KRT74: variants seen among roughly 807,000 people sequenced by gnomAD.
The protein encoded by KRT74 is keratin 74, also known as keratin, type II cytoskeletal 74.
KRT74 carries 43 observed loss-of-function variants against 42.7 expected under a neutral mutation model. The ratio of observed to expected loss-of-function variants is 1.01; its 90% CI spans 0.79 to 1.30. The LOEUF (loss-of-function observed/expected upper bound fraction) is 1.30. Among genes scored for constraint, KRT74 ranks in the 50% most tolerant of loss-of-function variants. The pLI is 0.00. For synonymous variants in KRT74, 302 were observed against 279.0 expected, an observed-to-expected ratio of 1.08 and a Z score of -0.82; for missense variants, 736 against 689.1, an observed-to-expected ratio of 1.07 and a Z score of -0.76.
rs1199338253 is a variant in KRT74 at position 52,571,462 on chromosome 12, G to A, written c.748-8C>T. ...GTAGGCTGCATCTGCATCCTGCCAA[G>A]AGGCCCCAGAGTCATTGGGGGATGC... is the stretch of plus-strand genomic sequence containing the variant. On this transcript the variant is annotated splice_region_variant and splice_polypyrimidine_tract_variant and intron_variant, in intron 3 of 8. Transcript: ENST00000305620. 2 of 1,608,760 alleles carry A rather than the reference G, an allele frequency of 1.2e-6. No homozygotes were observed. Among genetic ancestry groups the A allele is most frequent in the Non-Finnish European group, 1.7e-6 (2 of 1,175,194 alleles).
At position 52,571,339 on chromosome 12, in the gene KRT74, G is replaced by C; in HGVS notation, c.843+20C>G. ...CGGGAAGGAGGCAGGGTGAGGGTGGGGGGACAGGAGTGTCCTTACTGCATC... is the reference window on the plus strand; with the variant it reads ...CGGGAAGGAGGCAGGGTGAGGGTGGCGGGACAGGAGTGTCCTTACTGCATC... On this transcript the variant is annotated intron_variant, in intron 4 of 8. Coordinates refer to ENST00000305620, the MANE Select transcript of KRT74 (RefSeq NM_175053.4). 6.9e-7 allele frequency: 1 copy of C among 1,440,268 alleles called. No individual in the cohort carries two copies. The highest frequency in any genetic ancestry group is 1.1e-5 in the South Asian group (1 of 87,540). 89.2% of individuals were successfully genotyped at this position (1,440,268 alleles called of 1,614,324 possible). A position where few individuals can be genotyped will look rare whatever the true frequency, so the allele number is the denominator to read the frequency against.
At position 52,570,769 on chromosome 12, in the gene KRT74, C is replaced by G; in HGVS notation, c.908G>C (p.Arg303Pro). The change falls in exon 5 of 9, where the codon CGG becomes CCG. Residue 303 changes from arginine to proline, a missense_variant. Arg to Pro is a moderately radical substitution (Grantham distance 103). Coordinates refer to ENST00000305620, the MANE Select transcript of KRT74 (RefSeq NM_175053.4). Reference protein sequence around the residue: ...TSVILSMDNNRDLDLDSIIAE... With the variant: ...TSVILSMDNNPDLDLDSIIAE... Reference sequence around the variant, plus strand: ...GATGATGCTGTCAAGGTCCAGGTCCCGGTTGTTGTCCATGGACAGGATGAC... The same window carrying G: ...GATGATGCTGTCAAGGTCCAGGTCCGGGTTGTTGTCCATGGACAGGATGAC... The G allele has an allele frequency of 1.9e-6, 3 of 1,614,226 alleles. No homozygotes were observed. Among genetic ancestry groups the G allele is most frequent in the Non-Finnish European group, 2.5e-6 (3 of 1,180,030 alleles).
At chr12:52,571,261 T>A (rs1451333618) in intron 4 of KRT74, 98 bp downstream of exon 4, 3 of 847,444 alleles carry the variant, frequency 3.5e-6, no homozygotes, top group Non-Finnish European at 6.1e-6. Context: ...TACCAAAACA[T>A]CTTTCATTTT....
Position 52,570,714 on chromosome 12 carries a change from G to C in KRT74, c.963C>G (p.Ile321Met), listed in dbSNP as rs749351683. The C allele has an allele frequency of 3.7e-6, 6 of 1,614,110 alleles. No homozygotes were observed. The highest frequency in any genetic ancestry group is 2.7e-5 in the African/African-American group (2 of 74,942). The change falls in exon 5 of 9, where the codon ATC (isoleucine) becomes ATG (methionine). Residue 321 changes from isoleucine (I) to methionine (M), a missense_variant. Coordinates refer to ENST00000305620, the MANE Select transcript of KRT74 (RefSeq NM_175053.4). ...CGGCCTCGGCCTTGCTCTTCAGGGCGATCTCCTCATAATGCATGCGGACCT... is the reference window on the plus strand; with the variant it reads ...CGGCCTCGGCCTTGCTCTTCAGGGCCATCTCCTCATAATGCATGCGGACCT... ...IAEVRMHYEE[I>M]ALKSKAEAEA... is the part of the protein sequence containing the mutation.
chr12:52,571,971 T>C lies in KRT74; in HGVS notation c.720A>G (p.Ala240=). 1 of 1,596,828 alleles carries C rather than the reference T, an allele frequency of 6.3e-7. No individual in the cohort carries two copies. Among genetic ancestry groups the C allele is most frequent in the Non-Finnish European group, 8.6e-7 (1 of 1,164,510 alleles). Residue 240 remains alanine (A), a synonymous_variant, in exon 3 of 9, where the codon GCA becomes GCG. Coordinates refer to ENST00000305620, the MANE Select transcript of KRT74 (RefSeq NM_175053.4). ...TCTTAAGCACCACAAACTCATTCTC[T>C]GCTGTCGTGCGCCGGTTAATCTCCA... is the stretch of plus-strand genomic sequence containing the variant. The part of the protein sequence containing the change: ...YEVEINRRTT[A]ENEFVVLKKD...
At chr12:52,567,632 C>T in intron 8 of KRT74, 27 bp downstream of exon 8, 1 of 1,588,050 alleles carries the variant, frequency 6.3e-7, no homozygotes, top group East Asian at 2.2e-5. Context: ...GCTTTCCCAA[C>T]CCAAGGCATC....
chr12:52,571,547 T>G lies in KRT74; in HGVS notation c.748-93A>C, dbSNP rs1193348255. ...GCCTCAAAGCCACCTGATTTTCTAT[T>G]TTCTACCCACAAAGGAAAGCTCACT... On this transcript the variant is annotated intron_variant, in intron 3 of 8. Transcript: ENST00000305620. 4 of 896,354 alleles carry G rather than the reference T, an allele frequency of 4.5e-6. No individual in the cohort carries two copies. In the East Asian group the frequency reaches 7.2e-5, roughly 16 times the overall value. 55.5% of individuals were successfully genotyped at this position (896,354 alleles called of 1,614,324 possible). A position where few individuals can be genotyped will look rare whatever the true frequency, so the allele number is the denominator to read the frequency against.
rs747800464 is a variant in KRT74 at position 52,572,577 on chromosome 12, C to G, written c.562G>C (p.Glu188Gln). 4 of 1,614,166 alleles carry G rather than the reference C, an allele frequency of 2.5e-6. No individual in the cohort carries two copies. The South Asian group carries it at 4.4e-5, about 18-fold the overall frequency. ...LDLNNCKKNL[E>Q]PILEGYISNL... ...CTGATGTAGCCCTCAAGGATGGGCTCCAGGTTCTTCTTGCAGTTGTTCAGG... is the reference window on the plus strand; with the variant it reads ...CTGATGTAGCCCTCAAGGATGGGCTGCAGGTTCTTCTTGCAGTTGTTCAGG... Residue 188 changes from glutamate (E) to glutamine (Q), a missense_variant, in exon 2 of 9, where the codon GAG becomes CAG. Coordinates refer to ENST00000305620, the MANE Select transcript of KRT74 (RefSeq NM_175053.4).
At chr12:52,567,773 C>T (rs1342336220) in intron 7 of KRT74, 80 bp from the exon 8 acceptor site, 6 of 1,012,858 alleles carry the variant, frequency 5.9e-6, no homozygotes, top group African/African-American at 1.6e-5. Context: ...TGCTTTTATA[C>T]GTGCATCATT....
intron 4 of KRT74, 57 bp from the exon 5 acceptor site, chr12:52,570,890 A>G: frequency 3.1e-6 from 5 of 1,601,936 alleles, no homozygotes; most frequent in Admixed American, 1.7e-5. Flanking sequence ...CTTCTGCCCC[A>G]TCAGTCTTCT....
chr12:52,572,674 C>A lies in KRT74; in HGVS notation c.472-7G>T. 6.2e-7 allele frequency: 1 copy of A among 1,613,652 alleles called. No individual in the cohort carries two copies. Among genetic ancestry groups the A allele is most frequent in the South Asian group, 1.1e-5 (1 of 91,066 alleles). ...GCTGCTCTAGGAAGCGTACCTGGAA[C>A]CCAAATCAACAGACACCTGGAACCA... On this transcript the variant is annotated splice_region_variant and splice_polypyrimidine_tract_variant and intron_variant, in intron 1 of 8. Coordinates refer to ENST00000305620, the MANE Select transcript of KRT74 (RefSeq NM_175053.4).
chr12:52,567,197 G>A (rs1279155105), intron 8 of KRT74, 29 bp from the exon 9 acceptor site: 1 of 1,530,852 alleles, frequency 6.5e-7, no homozygotes, highest in Non-Finnish European at 8.8e-7. Flanking sequence ...GAGCAGGGGA[G>A]AGGAGCAGTG....
chr12:52,570,869 C>T (rs772954683), intron 4 of KRT74, 36 bp from the exon 5 acceptor site: 245 of 1,613,500 alleles, frequency 1.5e-4, no homozygotes, highest in Non-Finnish European at 2.0e-4. Context: ...CAGCAACCCC[C>T]TGGCTTCCCT....
At chr12:52,573,151 G>A (rs945960562) in intron 1 of KRT74, among the ~76,000 whole-genome samples, 156 bp downstream of exon 1, 7 of 152,066 alleles carry the variant, frequency 4.6e-5, no homozygotes, top group East Asian at 1.9e-4. Flanking sequence ...TTTGTCCTCC[G>A]TGGCTCACAG....
Position 52,566,932 on chromosome 12 carries a change from T to A in KRT74, c.*37A>T. On this transcript the variant is annotated 3_prime_UTR_variant, in exon 9 of 9. Transcript: ENST00000305620. ...CACCTTTGGGGGTGGCAAAGTCACC[T>A]CTTCTTCCAAGTGCTGAGGTGGGTG... 1 of 1,582,500 alleles carries A rather than the reference T, an allele frequency of 6.3e-7. No individual in the cohort carries two copies. The highest frequency in any genetic ancestry group is 8.6e-7 in the Non-Finnish European group (1 of 1,160,076).
chr12:52,572,144 A>G, intron 2 of KRT74, 140 bp from the exon 3 acceptor site: 1 of 764,672 alleles, frequency 1.3e-6, no homozygotes. Flanking sequence ...CAGGAGTAAG[A>G]TATCCCTGAG....
Position 52,571,975 on chromosome 12 carries a change from G to A in KRT74, c.716C>T (p.Thr239Ile). ...RYEVEINRRT[T>I]AENEFVVLKK... Reference sequence around the variant, plus strand: ...AAGCACCACAAACTCATTCTCTGCTGTCGTGCGCCGGTTAATCTCCACTTC... The same window carrying A: ...AAGCACCACAAACTCATTCTCTGCTATCGTGCGCCGGTTAATCTCCACTTC... Residue 239 changes from threonine to isoleucine, a missense_variant, in exon 3 of 9, where the codon ACA (threonine) becomes ATA (isoleucine). Physicochemically the swap from Thr to Ile is moderately conservative, Grantham distance 89. Transcript: ENST00000305620. 3 of 1,598,170 alleles carry A rather than the reference G, an allele frequency of 1.9e-6. No individual in the cohort carries two copies. Among genetic ancestry groups the A allele is most frequent in the Middle Eastern group, 1.7e-4 (1 of 6,048 alleles).
At chr12:52,572,364 C>A in intron 2 of KRT74, 89 bp downstream of exon 2, 1 of 1,374,110 alleles carries the variant, frequency 7.3e-7, no homozygotes. Context: ...GCATACTCCC[C>A]CATCTCCTAA....
chr12:52,570,095 A>G, intron 5 of KRT74, 111 bp from the exon 6 acceptor site: 1 of 1,275,440 alleles, frequency 7.8e-7, no homozygotes. Context: ...ACGGAACTGA[A>G]GAGGAGTGCT....
Sources: allele counts gnomAD v4.1 joint callset (sites outside exome capture counted in the v4.1 genomes callset), GRCh38; gene constraint gnomAD v4.1.1; transcripts MANE v1.5; gene names NCBI Gene and HGNC (gene_info 2026-07-23, HGNC 2026-07-21).